Variants in DLC1 observed in about 807,000 individuals in gnomAD.
DLC1 encodes rho GTPase-activating protein 7.
In DLC1, 54 loss-of-function variants were observed where a neutral mutation model predicts 140.3. The observed-to-expected ratio is 0.38, with a 90% CI of 0.31 to 0.48. The LOEUF is 0.48. DLC1 is among the 20% of genes least tolerant of loss of function. The probability of loss-of-function intolerance (pLI) is 0.96; values close to 1 mark genes in which losing one functional copy is unlikely to be tolerated. For synonymous variants in DLC1, 986 were observed against 728.1 expected (o/e 1.35, Z -5.70); for missense variants, 2,536 against 1,907.0 (o/e 1.33, Z -6.14).
At chr8:13,133,210 C>T in intron 5 of DLC1, 1 of 1,421,280 alleles carries the variant, frequency 7.0e-7, no homozygotes, top group Non-Finnish European at 9.2e-7. Context: ...AGTCCGTGAG[C>T]CGGCGCTCCT....
At chr8:13,433,880 A>G (rs1210153390) in intron 2 of DLC1, among the ~76,000 whole-genome samples, 1 of 152,122 alleles carries the variant, frequency 6.6e-6, no homozygotes, top group Non-Finnish European at 1.5e-5. Flanking sequence ...CTTGAGATGG[A>G]GTTTCACTCT....
chr8:13,403,845 G>C (rs1837408896), intron 2 of DLC1, among the ~76,000 whole-genome samples: 1 of 126,998 alleles, frequency 7.9e-6, no homozygotes, highest in South Asian at 2.6e-4. Flanking sequence ...TTTTTGTAGA[G>C]ACAGAATTTT....
At chr8:13,095,852 C>G (rs1489978521) in intron 10 of DLC1, 1 of 152,416 alleles carries the variant, frequency 6.6e-6, no homozygotes, top group Non-Finnish European at 1.5e-5. Context: ...ACAATGGGAG[C>G]CAACTCCAGA....
rs556721915 is a variant in DLC1, at chr8:13,451,531, C to G, written c.1023+47518G>C. 1.8e-4 allele frequency among the ~76,000 whole-genome samples: 28 copies of G among 152,306 alleles called. No individual in the cohort carries two copies. In the South Asian group the frequency reaches 5.8e-3, roughly 32 times the overall value. ...CCCACCCTGATGTTACCCTTCCCAG[C>G]CTCTGGTAACCAGCCTCCTACACTC... On this transcript the variant is annotated intron_variant, in intron 2 of 17. Coordinates refer to ENST00000276297, the MANE Select transcript of DLC1 (RefSeq NM_182643.3).
chr8:13,438,578 T>C (rs1839226289), intron 2 of DLC1, among the ~76,000 whole-genome samples: 1 of 152,090 alleles, frequency 6.6e-6, no homozygotes, highest in South Asian at 2.1e-4. Context: ...TAAGACCTCA[T>C]CTCCTACCAC....
intron 6 of DLC1, among the ~76,000 whole-genome samples, chr8:13,112,539 T>C (rs970113080): frequency 6.6e-6 from 1 of 152,158 alleles, no homozygotes; most frequent in East Asian, 1.9e-4. Context: ...CAGAATGACA[T>C]TTCTTCACTA....
At chr8:13,353,112 G>T (rs1342609754) in intron 4 of DLC1, among the ~76,000 whole-genome samples, 1 of 152,102 alleles carries the variant, frequency 6.6e-6, no homozygotes. Flanking sequence ...CTGAAAGGTG[G>T]CTGAAAGGTG....
intron 2 of DLC1, among the ~76,000 whole-genome samples, chr8:13,403,807 GT>G (rs369715973): frequency 2.3e-3 from 204 of 87,286 alleles, no homozygotes; most frequent in South Asian, 3.5e-3. Context: ...AGGTCTGGCT[GT>G]TTTTTTTTTT....
At chr8:13,390,618 T>A (rs1836711724) in intron 4 of DLC1, among the ~76,000 whole-genome samples, 1 of 152,136 alleles carries the variant, frequency 6.6e-6, no homozygotes, top group Admixed American at 6.6e-5. Flanking sequence ...GGTAGATAGG[T>A]GCAGCAAACC....
At chr8:13,180,109 T>G (rs1825954828) in intron 5 of DLC1, among the ~76,000 whole-genome samples, 2 of 152,234 alleles carry the variant, frequency 1.3e-5, no homozygotes, top group South Asian at 4.1e-4. Flanking sequence ...AGATGGTGTT[T>G]ACAGACATTC....
At chr8:13,419,685 G>C (rs969804460) in intron 2 of DLC1, among the ~76,000 whole-genome samples, 1 of 152,068 alleles carries the variant, frequency 6.6e-6, no homozygotes, top group Non-Finnish European at 1.5e-5. Context: ...TTTTTTGGTT[G>C]TGTCTCTGCC....
At chr8:13,365,278 A>G (rs1230533189) in intron 4 of DLC1, among the ~76,000 whole-genome samples, 2 of 152,164 alleles carry the variant, frequency 1.3e-5, no homozygotes, top group African/African-American at 2.4e-5. Context: ...ATGCTAGGCT[A>G]TTGAATGCAG....
chr8:13,284,098 A>G (rs577136055), intron 5 of DLC1, among the ~76,000 whole-genome samples: 2 of 152,338 alleles, frequency 1.3e-5, no homozygotes, highest in East Asian at 1.9e-4. Context: ...TGTTCTTACC[A>G]GTGAGTATGA....
chr8:13,115,765 G>T, intron 5 of DLC1, 108 bp from the exon 6 acceptor site: 2 of 981,898 alleles, frequency 2.0e-6, no homozygotes, highest in Non-Finnish European at 3.1e-6. Flanking sequence ...GACTGCCATA[G>T]AAAATACAGA....
Position 13,085,576 on chromosome 8 carries a change from A to ATTTT in DLC1, c.*231_*234dup. 1.3e-5 allele frequency: 4 copies of ATTTT among 315,704 alleles called. No individual in the cohort carries two copies. The highest frequency in any genetic ancestry group is 9.7e-5 in the Admixed American group (2 of 20,592). 19.6% of individuals were successfully genotyped at this position (315,704 alleles called of 1,614,324 possible). On this transcript the variant is annotated 3_prime_UTR_variant, in exon 18 of 18. Coordinates refer to ENST00000276297, the MANE Select transcript of DLC1 (RefSeq NM_182643.3). ...GCAATTTGAATAAGAATACACATAA[A>ATTTT]TTTTTTTTTTTTTTTTGCACAGTCT... is the stretch of plus-strand genomic sequence containing the variant.
At chr8:13,507,312 T>C (rs956244846) in intron 1 of DLC1, among the ~76,000 whole-genome samples, 9 of 152,176 alleles carry the variant, frequency 5.9e-5, no homozygotes, top group African/African-American at 2.2e-4. Flanking sequence ...AGATATTATG[T>C]TTCTTAATTC....
At chr8:13,124,841 A>C (rs989553098) in intron 5 of DLC1, among the ~76,000 whole-genome samples, 4 of 152,214 alleles carry the variant, frequency 2.6e-5, no homozygotes, top group Non-Finnish European at 4.4e-5. Context: ...ATGTCTTATC[A>C]ATTACATGGA....
chr8:13,589,978 T>C (rs1188716664), intron 1 of DLC1, among the ~76,000 whole-genome samples: 1 of 151,736 alleles, frequency 6.6e-6, no homozygotes, highest in Non-Finnish European at 1.5e-5. Context: ...TATGTCTTTG[T>C]TATTTTCAAA....
Position 13,447,805 on chromosome 8 carries a change from C to A in DLC1, c.1024-46186G>T, listed in dbSNP as rs568904160. On this transcript the variant is annotated intron_variant, in intron 2 of 17. Transcript: ENST00000276297. ...ATTGTTTGTTCTTTGTGTTTTTTTT[C>A]CTACCAGATTAGCTAAATTAGTTTT... Among the ~76,000 whole-genome samples the A allele has an allele frequency of 6.9e-4, 104 of 151,582 alleles. 1 individual carries two copies. The highest frequency in any genetic ancestry group is 1.2e-3 in the Non-Finnish European group (84 of 67,848).
Sources: allele counts gnomAD v4.1 joint callset (sites outside exome capture counted in the v4.1 genomes callset), GRCh38; gene constraint gnomAD v4.1.1; transcripts MANE v1.5; gene names NCBI Gene and HGNC (gene_info 2026-07-23, HGNC 2026-07-21).